The following L3MBTL4 variants were observed in gnomAD, a reference collection of about 807,000 sequenced individuals.
The protein encoded by L3MBTL4 is L3MBTL histone methyl-lysine binding protein 4.
Under a neutral mutation model 84.5 loss-of-function variants are expected in L3MBTL4, and 70 were observed. The observed-to-expected ratio is 0.83, with a 90% CI of 0.68 to 1.01. L3MBTL4 has a LOEUF of 1.01. Ranked by LOEUF, L3MBTL4 falls within the 50% of genes least tolerant of loss-of-function variation. The pLI is 0.00. For missense variants in L3MBTL4, 715 were observed against 754.8 expected (o/e 0.95, Z 0.62); for synonymous variants, 274 against 259.8 (o/e 1.05, Z -0.52).
rs2047341871 is a variant in L3MBTL4, at chr18:6,239,117, G to A, written c.707+601C>T. Among the ~76,000 whole-genome samples the A allele has an allele frequency of 3.9e-5, 6 of 151,974 alleles. No individual in the cohort carries two copies. The South Asian group carries it at 6.2e-4, about 16-fold the overall frequency. On this transcript the variant is annotated intron_variant, in intron 9 of 18. Transcript: ENST00000317931. ...AGCACTTTGGGAGGCCGAGGCGGGCGGATCACGAGGTCAGGAGATCGAGAC... is the reference window on the plus strand; with the variant it reads ...AGCACTTTGGGAGGCCGAGGCGGGCAGATCACGAGGTCAGGAGATCGAGAC...
At chr18:6,404,220 C>A (rs2055627887) in intron 1 of L3MBTL4, among the ~76,000 whole-genome samples, 1 of 152,144 alleles carries the variant, frequency 6.6e-6, no homozygotes, top group South Asian at 2.1e-4. Context: ...TGATAAAAAC[C>A]ACCTGTTCCC....
chr18:6,202,062 A>G (rs2045671557), intron 12 of L3MBTL4, among the ~76,000 whole-genome samples: 1 of 152,232 alleles, frequency 6.6e-6, no homozygotes, highest in African/African-American at 2.4e-5. Flanking sequence ...AGTCAAAGGC[A>G]GACAACTGTT....
chr18:6,369,093 T>C (rs163748), intron 1 of L3MBTL4, among the ~76,000 whole-genome samples: 92,393 of 150,960 alleles, frequency 0.61, 28,861 homozygotes, highest in African/African-American at 0.76. Context: ...AAGCACTACA[T>C]TAGTCCAAGG....
chr18:6,377,747 A>G (rs2054428930), intron 1 of L3MBTL4, among the ~76,000 whole-genome samples: 1 of 152,210 alleles, frequency 6.6e-6, no homozygotes. Flanking sequence ...GTTGGTTCCA[A>G]GTCTTTGCTA....
intron 14 of L3MBTL4, among the ~76,000 whole-genome samples, chr18:6,129,823 G>A (rs1316508581): frequency 6.6e-6 from 1 of 152,140 alleles, no homozygotes; most frequent in Non-Finnish European, 1.5e-5. Context: ...GTAGAGTTTT[G>A]AAAAGTGCTT....
intron 4 of L3MBTL4, among the ~76,000 whole-genome samples, chr18:6,274,147 T>C (rs75153618): frequency 0.015 from 2,293 of 152,292 alleles, 67 homozygotes; most frequent in African/African-American, 0.053. Context: ...GTTACATGCC[T>C]TAAAGATTAA....
chr18:5,965,122 C>T (rs1013221043), intron 17 of L3MBTL4, among the ~76,000 whole-genome samples: 2 of 152,202 alleles, frequency 1.3e-5, no homozygotes, highest in Non-Finnish European at 2.9e-5. Context: ...AGCAACAATC[C>T]TTATAACCTA....
At chr18:6,333,147 T>C (rs1478005657) in intron 1 of L3MBTL4, among the ~76,000 whole-genome samples, 1 of 152,036 alleles carries the variant, frequency 6.6e-6, no homozygotes, top group Non-Finnish European at 1.5e-5. Context: ...TTTAAAATTT[T>C]AGGAAAATTA....
intron 16 of L3MBTL4, among the ~76,000 whole-genome samples, chr18:6,057,453 G>C (rs915989738): frequency 6.6e-6 from 1 of 152,144 alleles, no homozygotes; most frequent in Admixed American, 6.5e-5. Flanking sequence ...GCAAATAAAA[G>C]AGAAAAATGT....
chr18:6,108,794 TCAAA>T (rs1179946611), intron 14 of L3MBTL4, among the ~76,000 whole-genome samples: 1 of 152,046 alleles, frequency 6.6e-6, no homozygotes, highest in African/African-American at 2.4e-5. Context: ...AAAAAGAAAC[TCAAA>T]CAATTAAAAA....
At chr18:6,029,613 G>A in intron 16 of L3MBTL4, 2 of 985,120 alleles carry the variant, frequency 2.0e-6, no homozygotes, top group Non-Finnish European at 2.4e-6. Context: ...AAGGACGCAA[G>A]TTCTACATAA....
chr18:6,107,667 T>A (rs2059056114), intron 14 of L3MBTL4, among the ~76,000 whole-genome samples: 1 of 151,922 alleles, frequency 6.6e-6, no homozygotes. Flanking sequence ...TAATAAACGT[T>A]GTTACTAACA....
intron 1 of L3MBTL4, among the ~76,000 whole-genome samples, chr18:6,348,365 T>C (rs1456770157): frequency 6.6e-6 from 1 of 152,042 alleles, no homozygotes; most frequent in Non-Finnish European, 1.5e-5. Context: ...AGCATGATAT[T>C]ACAAAGTTCT....
At chr18:6,340,962 C>T (rs1265977374) in intron 1 of L3MBTL4, among the ~76,000 whole-genome samples, 1 of 152,096 alleles carries the variant, frequency 6.6e-6, no homozygotes, top group Non-Finnish European at 1.5e-5. Context: ...CATTCCAGGC[C>T]TGGCTTTGTG....
At chr18:5,961,836 A>G (rs1359469469) in intron 17 of L3MBTL4, among the ~76,000 whole-genome samples, 2 of 152,196 alleles carry the variant, frequency 1.3e-5, no homozygotes, top group Non-Finnish European at 2.9e-5. Flanking sequence ...ATTTGCTGGG[A>G]GCTAGTGAAA....
intron 5 of L3MBTL4, among the ~76,000 whole-genome samples, chr18:6,262,726 T>C (rs147989756): frequency 1.4e-4 from 22 of 152,320 alleles, no homozygotes; most frequent in African/African-American, 5.3e-4. Context: ...TCATTTTCCA[T>C]GGTATGACCT....
chr18:6,230,594 A>G (rs1230411105), intron 10 of L3MBTL4, among the ~76,000 whole-genome samples: 1 of 152,160 alleles, frequency 6.6e-6, no homozygotes, highest in Non-Finnish European at 1.5e-5. Flanking sequence ...TTGGGTATAT[A>G]CTCAATATCA....
chr18:6,291,053 A>G (rs978486282), intron 4 of L3MBTL4, among the ~76,000 whole-genome samples: 14 of 152,198 alleles, frequency 9.2e-5, no homozygotes, highest in African/African-American at 3.4e-4. Context: ...AGACATTCAA[A>G]TTGCAAACCA....
intron 16 of L3MBTL4, among the ~76,000 whole-genome samples, chr18:6,045,882 A>G (rs1334098836): frequency 6.6e-6 from 1 of 152,188 alleles, no homozygotes; most frequent in Non-Finnish European, 1.5e-5. Context: ...AATCTCATAT[A>G]TCAACATTAA....
Sources: allele counts gnomAD v4.1 joint callset (sites outside exome capture counted in the v4.1 genomes callset), GRCh38; gene constraint gnomAD v4.1.1; transcripts MANE v1.5; gene names NCBI Gene and HGNC (gene_info 2026-07-23, HGNC 2026-07-21).